Variants in CD58 observed in about 807,000 individuals in gnomAD.
CD58 encodes the protein lymphocyte function-associated antigen 3.
CD58 carries 14 observed loss-of-function variants against 27.6 expected under a neutral mutation model. The observed-to-expected ratio is 0.51, with a 90% confidence interval of 0.34 to 0.79. The LOEUF is 0.79. Ranked by LOEUF, CD58 falls within the 30% of genes least tolerant of loss-of-function variation. The probability of loss-of-function intolerance (pLI) is 0.02; values close to 1 mark genes in which losing one functional copy is unlikely to be tolerated. For missense variants in CD58, 268 were observed against 301.7 expected, an observed-to-expected ratio of 0.89 and a Z score of 0.83; for synonymous variants, 117 against 103.8, an observed-to-expected ratio of 1.13 and a Z score of -0.77.
rs1473849999 is a variant in CD58, at chr1:116,524,512, T to C, written c.629-2529A>G. Among the ~76,000 whole-genome samples, 1 of 152,232 alleles carries C rather than the reference T, an allele frequency of 6.6e-6. No homozygotes were observed. ...ACCCTATTAAGCTGCCAAGATTCAATGGTTTTTGACTAGAGAAACAGCAAT... is the reference window on the plus strand; with the variant it reads ...ACCCTATTAAGCTGCCAAGATTCAACGGTTTTTGACTAGAGAAACAGCAAT... On this transcript the variant is annotated intron_variant, in intron 3 of 5. Coordinates refer to ENST00000369489, the MANE Select transcript of CD58 (RefSeq NM_001779.3). This position sits in a 1 kb window ranked among gnomAD's most constrained non-coding sequence, Gnocchi z 4.6.
At chr1:116,548,733 A>G (rs1557840698) in intron 1 of CD58, among the ~76,000 whole-genome samples, 1 of 152,248 alleles carries the variant, frequency 6.6e-6, no homozygotes, top group Non-Finnish European at 1.5e-5. Flanking sequence ...AGGGTCAACT[A>G]TAATTTTGAA....
In CD58 at chr1:116,518,765, A is replaced by G. The variant is rs114784750; in HGVS notation, c.743+466T>C. 2.9e-3 allele frequency: 2,909 copies of G among 998,570 alleles called. 80 individuals carry two copies. In the African/African-American group the frequency reaches 0.047, roughly 16 times the overall value. 61.9% of individuals were successfully genotyped at this position (998,570 alleles called of 1,614,324 possible). ...TGTGTCCTATCTTTTATATGTGACT[A>G]CAGGCCCAGCTCTGACCCTGGCTCC... On this transcript the variant is annotated intron_variant, in intron 5 of 5. Coordinates refer to ENST00000369489, the MANE Select transcript of CD58 (RefSeq NM_001779.3).
chr1:116,525,521 TAA>T (rs1176361513), intron 3 of CD58, among the ~76,000 whole-genome samples: 1 of 152,222 alleles, frequency 6.6e-6, no homozygotes, highest in Non-Finnish European at 1.5e-5. Flanking sequence ...TATGTCAACA[TAA>T]GTTTTTAATG....
intron 1 of CD58, among the ~76,000 whole-genome samples, chr1:116,551,419 T>G (rs1277372891): frequency 6.6e-6 from 1 of 152,254 alleles, no homozygotes; most frequent in African/African-American, 2.4e-5. Flanking sequence ...TCTCATGAAC[T>G]AACCTCTGAT....
intron 1 of CD58, among the ~76,000 whole-genome samples, chr1:116,556,255 G>GAAA (rs1158092746): frequency 6.7e-5 from 2 of 29,808 alleles, no homozygotes; most frequent in Non-Finnish European, 1.7e-4. Context: ...CTCCATCTCA[G>GAAA]AAAAAAAAAA....
At position 116,519,221 on chromosome 1, in the gene CD58, G is replaced by C. The variant is rs749336081; in HGVS notation, c.743+10C>G. ...TCTGGCACAGAGTGCACAGCCTGCA[G>C]TGTACTTACTTGGTTCTGTCTGGTT... On this transcript the variant is annotated intron_variant, in intron 5 of 5. Coordinates refer to ENST00000369489, the MANE Select transcript of CD58 (RefSeq NM_001779.3). The surrounding 1 kb of genome is among the most constrained non-coding windows in gnomAD (Gnocchi z 4.7). The C allele has an allele frequency of 3.1e-6, 5 of 1,612,640 alleles. No individual in the cohort carries two copies. Among genetic ancestry groups the C allele is most frequent in the Non-Finnish European group, 4.2e-6 (5 of 1,179,338 alleles).
Position 116,536,253 on chromosome 1 carries a change from G to C in CD58, c.365-25C>G, listed in dbSNP as rs200927101. 6.4e-7 allele frequency: 1 copy of C among 1,557,390 alleles called. No individual in the cohort carries two copies. On this transcript the variant is annotated intron_variant, in intron 2 of 5. Coordinates refer to ENST00000369489, the MANE Select transcript of CD58 (RefSeq NM_001779.3). This position sits in a 1 kb window ranked among gnomAD's most constrained non-coding sequence, Gnocchi z 5.4. Reference sequence around the variant, plus strand: ...TCTGGAAAAAAAAGTATAATATTTAGTACAGAAAATAGTAATATTTAGACT... The same window carrying C: ...TCTGGAAAAAAAAGTATAATATTTACTACAGAAAATAGTAATATTTAGACT...
At position 116,531,178 on chromosome 1, in the gene CD58, A is replaced by T. The variant is rs1298033209; in HGVS notation, c.628+4787T>A. ...CAGGGAAAGTAATCTTACTTTCAGT[A>T]AGAGTAATTTTACTTTGTGTCTTCA... On this transcript the variant is annotated intron_variant, in intron 3 of 5. Transcript: ENST00000369489. This position sits in a 1 kb window ranked among gnomAD's most constrained non-coding sequence, Gnocchi z 4.5. Among the ~76,000 whole-genome samples the T allele has an allele frequency of 2.6e-5, 4 of 152,244 alleles. No homozygotes were observed. Among genetic ancestry groups the T allele is most frequent in the Admixed American group, 1.3e-4 (2 of 15,280 alleles).
At chr1:116,555,403 T>C (rs1212380022) in intron 1 of CD58, among the ~76,000 whole-genome samples, 1 of 152,188 alleles carries the variant, frequency 6.6e-6, no homozygotes, top group Non-Finnish European at 1.5e-5. Context: ...ATTCACACTG[T>C]CTGAATTAAC....
rs1657349405 is a variant in CD58 at position 116,523,968 on chromosome 1, T to C, written c.629-1985A>G. On this transcript the variant is annotated intron_variant, in intron 3 of 5. Transcript: ENST00000369489. This position sits in a 1 kb window ranked among gnomAD's most constrained non-coding sequence, Gnocchi z 4.4. ...GAACGCATGAACTGAGCACAACTGA[T>C]GTGTTTCAATCTACTGAAGTTGTTA... 6.6e-6 allele frequency among the ~76,000 whole-genome samples: 1 copy of C among 152,242 alleles called. No individual in the cohort carries two copies.
rs1162512881 is a variant in CD58 at position 116,523,267 on chromosome 1, G to A, written c.629-1284C>T. Among the ~76,000 whole-genome samples the A allele has an allele frequency of 6.6e-6, 1 of 152,044 alleles. No individual in the cohort carries two copies. Among genetic ancestry groups the A allele is most frequent in the African/African-American group, 2.4e-5 (1 of 41,388 alleles). On this transcript the variant is annotated intron_variant, in intron 3 of 5. Coordinates refer to ENST00000369489, the MANE Select transcript of CD58 (RefSeq NM_001779.3). This position sits in a 1 kb window ranked among gnomAD's most constrained non-coding sequence, Gnocchi z 4.4. The stretch of plus-strand genomic sequence containing the variant: ...ACAAAAAACTGTGGTATGTTCACAA[G>A]GTAAACTCTATCCAGCTATTGAAAA...
rs941536383 is a variant in CD58 at position 116,570,875 on chromosome 1, C to G, written c.70+28G>C. On this transcript the variant is annotated intron_variant, in intron 1 of 5. Transcript: ENST00000369489. The surrounding 1 kb of genome is among the most constrained non-coding windows in gnomAD (Gnocchi z 6.4). ...GCTGCCCAGTACCCGCCGGCCGGCGCGGGGCCCCTGGGGCAGGCTTCACTC... is the reference window on the plus strand; with the variant it reads ...GCTGCCCAGTACCCGCCGGCCGGCGGGGGGCCCCTGGGGCAGGCTTCACTC... 2.6e-6 allele frequency: 4 copies of G among 1,531,718 alleles called. No individual in the cohort carries two copies. In the African/African-American group the frequency reaches 4.2e-5, roughly 16 times the overall value. The allele number at this position is 1,531,718 out of a possible 1,614,324, so 94.9% of individuals were successfully genotyped here.
chr1:116,536,262 A>T lies in CD58; in HGVS notation c.365-34T>A. 6.5e-7 allele frequency: 1 copy of T among 1,528,406 alleles called. No individual in the cohort carries two copies. The highest frequency in any genetic ancestry group is 8.9e-7 in the Non-Finnish European group (1 of 1,124,280). 94.7% of individuals were successfully genotyped at this position (1,528,406 alleles called of 1,614,324 possible). On this transcript the variant is annotated intron_variant, in intron 2 of 5. Coordinates refer to ENST00000369489, the MANE Select transcript of CD58 (RefSeq NM_001779.3). The surrounding 1 kb of genome is among the most constrained non-coding windows in gnomAD (Gnocchi z 5.4). Reference sequence around the variant, plus strand: ...AAAAGTATAATATTTAGTACAGAAAATAGTAATATTTAGACTTATCATCTG... The same window carrying T: ...AAAAGTATAATATTTAGTACAGAAATTAGTAATATTTAGACTTATCATCTG...
intron 3 of CD58, 54 bp downstream of exon 3, chr1:116,535,911 G>T: frequency 5.3e-6 from 6 of 1,131,990 alleles, no homozygotes; most frequent in Non-Finnish European, 7.6e-6. Context: ...CCTTGTGTTA[G>T]TCACCACATC....
At chr1:116,530,209 C>CT (rs113109056) in intron 3 of CD58, among the ~76,000 whole-genome samples, 23,676 of 143,384 alleles carry the variant, frequency 0.17, 2,561 homozygotes, top group East Asian at 0.57. Flanking sequence ...TCTCCTCATT[C>CT]TTTTTTTTTT....
At chr1:116,556,663 G>A (rs1372619192) in intron 1 of CD58, among the ~76,000 whole-genome samples, 1 of 152,192 alleles carries the variant, frequency 6.6e-6, no homozygotes, top group Non-Finnish European at 1.5e-5. Flanking sequence ...AGTCAAGGAA[G>A]AAAAAGCCAG....
At chr1:116,533,744 T>C (rs765068527) in intron 3 of CD58, 15 of 704,128 alleles carry the variant, frequency 2.1e-5, no homozygotes, top group Non-Finnish European at 3.4e-5. Flanking sequence ...ATATCAGATG[T>C]TGGTTCAACA....
chr1:116,542,327 A>G (rs1658017671), intron 2 of CD58, among the ~76,000 whole-genome samples: 1 of 152,218 alleles, frequency 6.6e-6, no homozygotes, highest in South Asian at 2.1e-4. Context: ...CTGGATGTCA[A>G]GTGAAGACAG....
At chr1:116,548,142 T>C (rs1658259675) in intron 1 of CD58, among the ~76,000 whole-genome samples, 1 of 152,244 alleles carries the variant, frequency 6.6e-6, no homozygotes, top group Non-Finnish European at 1.5e-5. Context: ...CACTTTTTGA[T>C]GGGATTGTTT....
Sources: gnomAD v4.1 joint callset for allele counts (sites outside exome capture counted in the v4.1 genomes callset) on GRCh38, gnomAD v4.1.1 for gene constraint, Gnocchi (gnomAD v3.1) non-coding constraint, MANE v1.5 for transcripts, NCBI Gene and HGNC (gene_info 2026-07-23, HGNC 2026-07-21) for gene names.